Variants in MAPKAP1 observed in about 807,000 individuals in gnomAD.
The protein encoded by MAPKAP1 is target of rapamycin complex 2 subunit MAPKAP1.
In MAPKAP1, 20 loss-of-function variants were observed where a neutral mutation model predicts 65.7. The ratio of observed to expected loss-of-function variants is 0.30; its 90% confidence interval spans 0.21 to 0.44. The LOEUF (loss-of-function observed/expected upper bound fraction) is 0.44, where lower values mean the gene tolerates loss of function less well. Among genes scored for constraint, MAPKAP1 ranks in the 20% least tolerant of loss-of-function variants. The pLI is 1.00. For missense variants in MAPKAP1, 423 were observed against 648.0 expected, an observed-to-expected ratio of 0.65 and a Z score of 3.77; for synonymous variants, 222 against 244.3, an observed-to-expected ratio of 0.91 and a Z score of 0.85.
At chr9:125,479,416 C>T (rs1174785062) in intron 9 of MAPKAP1, among the ~76,000 whole-genome samples, 1 of 152,140 alleles carries the variant, frequency 6.6e-6, no homozygotes, top group African/African-American at 2.4e-5. Flanking sequence ...CCCGTCTCTA[C>T]TAAAAACACA....
chr9:125,547,803 AG>A (rs1235363651), intron 6 of MAPKAP1, among the ~76,000 whole-genome samples: 1 of 152,230 alleles, frequency 6.6e-6, no homozygotes, highest in African/African-American at 2.4e-5. Context: ...AAGAGCTCCA[AG>A]GGGAGCACTC....
At chr9:125,676,719 T>C (rs544237519) in intron 1 of MAPKAP1, among the ~76,000 whole-genome samples, 1 of 152,346 alleles carries the variant, frequency 6.6e-6, no homozygotes, top group African/African-American at 2.4e-5. Context: ...TATGAATGTA[T>C]GTAATGCCAA....
chr9:125,664,040 C>G (rs985648754), intron 3 of MAPKAP1, among the ~76,000 whole-genome samples: 1 of 152,106 alleles, frequency 6.6e-6, no homozygotes, highest in South Asian at 2.1e-4. Context: ...GGATACAAAA[C>G]AAATATATTA....
At chr9:125,460,404 TCCGAGGGAAAAATGAAGAA>T (rs749466004) in intron 10 of MAPKAP1, among the ~76,000 whole-genome samples, 2 of 152,142 alleles carry the variant, frequency 1.3e-5, no homozygotes, top group Non-Finnish European at 2.9e-5. Context: ...TATTAATACG[TCCGAGGGAAAAATGAAGAA>T]AATTTACAGA....
At chr9:125,568,028 T>G (rs1385262039) in intron 5 of MAPKAP1, 1 of 152,084 alleles carries the variant, frequency 6.6e-6, no homozygotes, top group Non-Finnish European at 1.5e-5. Flanking sequence ...AGAATGAGAT[T>G]GGTAAAGAAT....
intron 4 of MAPKAP1, among the ~76,000 whole-genome samples, chr9:125,651,749 G>A (rs557438010): frequency 2.0e-5 from 3 of 152,290 alleles, no homozygotes; most frequent in South Asian, 2.1e-4. Context: ...CTTACTGAAA[G>A]GAGCAGTGGT....
chr9:125,596,272 G>A (rs1185408548), intron 4 of MAPKAP1: 9 of 761,634 alleles, frequency 1.2e-5, no homozygotes, highest in African/African-American at 5.1e-5. Flanking sequence ...GGAAACTTTG[G>A]TGGTGGTCGT....
chr9:125,492,215 T>TA (rs1353403734), intron 8 of MAPKAP1, among the ~76,000 whole-genome samples: 3 of 152,032 alleles, frequency 2.0e-5, no homozygotes, highest in Non-Finnish European at 2.9e-5. Context: ...CGCCTCAAAA[T>TA]AACAAAACAA....
intron 4 of MAPKAP1, among the ~76,000 whole-genome samples, chr9:125,622,753 C>T (rs528851263): frequency 2.4e-4 from 36 of 152,030 alleles, no homozygotes; most frequent in Non-Finnish European, 4.6e-4. Context: ...CCAATATGTA[C>T]AATTATTACA....
At chr9:125,525,552 A>T (rs945199989) in intron 7 of MAPKAP1, among the ~76,000 whole-genome samples, 2 of 152,118 alleles carry the variant, frequency 1.3e-5, no homozygotes, top group African/African-American at 4.8e-5. Flanking sequence ...GCATGCCTGT[A>T]ATCCCAGCTA....
Position 125,473,881 on chromosome 9 carries a change from C to T in MAPKAP1, c.1208-5772G>A, listed in dbSNP as rs190268938. 1.4e-4 allele frequency among the ~76,000 whole-genome samples: 21 copies of T among 152,252 alleles called. No homozygotes were observed. In the East Asian group the frequency reaches 2.7e-3, roughly 20 times the overall value. On this transcript the variant is annotated intron_variant, in intron 9 of 11. Coordinates refer to ENST00000265960, the MANE Select transcript of MAPKAP1 (RefSeq NM_001006617.3). The stretch of plus-strand genomic sequence containing the variant: ...TGTCAGCCTTCCTACTTCCTAACTA[C>T]GTGACTTGGGAAAAACTTCTATAAA...
intron 8 of MAPKAP1, among the ~76,000 whole-genome samples, chr9:125,496,516 A>T (rs1241068497): frequency 6.6e-6 from 1 of 152,226 alleles, no homozygotes; most frequent in African/African-American, 2.4e-5. Flanking sequence ...GAGGTGCTTA[A>T]GTCACATGAT....
At chr9:125,693,312 G>C (rs1180963586) in intron 1 of MAPKAP1, among the ~76,000 whole-genome samples, 3 of 151,786 alleles carry the variant, frequency 2.0e-5, no homozygotes, top group Admixed American at 2.0e-4. Flanking sequence ...TACTCGGGCA[G>C]CTGAGGCAGG....
At chr9:125,636,492 A>C (rs935188912) in intron 4 of MAPKAP1, among the ~76,000 whole-genome samples, 7 of 152,256 alleles carry the variant, frequency 4.6e-5, no homozygotes, top group African/African-American at 1.7e-4. Flanking sequence ...TTGCCAGATA[A>C]CTGCATATTC....
At chr9:125,651,993 G>T in intron 4 of MAPKAP1, 1 of 617,886 alleles carries the variant, frequency 1.6e-6, no homozygotes, top group Non-Finnish European at 2.2e-6. Flanking sequence ...AGATCCAGAA[G>T]CAAACGTAGT....
intron 10 of MAPKAP1, among the ~76,000 whole-genome samples, chr9:125,461,420 T>C (rs1400921083): frequency 2.6e-5 from 4 of 152,188 alleles, no homozygotes; most frequent in African/African-American, 4.8e-5. Context: ...AATCACACTA[T>C]TGTCTGCTTG....
At chr9:125,458,359 T>A (rs1297339533) in intron 10 of MAPKAP1, among the ~76,000 whole-genome samples, 1 of 152,030 alleles carries the variant, frequency 6.6e-6, no homozygotes, top group East Asian at 1.9e-4. Flanking sequence ...CAGAGGACCC[T>A]GCGGCCCTCT....
At chr9:125,557,968 T>C (rs1052745415) in intron 6 of MAPKAP1, among the ~76,000 whole-genome samples, 3 of 152,232 alleles carry the variant, frequency 2.0e-5, no homozygotes, top group Non-Finnish European at 4.4e-5. Flanking sequence ...GCGATTCTCC[T>C]GCCTCAGACT....
intron 10 of MAPKAP1, among the ~76,000 whole-genome samples, chr9:125,458,674 C>G (rs1255197169): frequency 1.3e-5 from 2 of 150,576 alleles, no homozygotes; most frequent in Non-Finnish European, 1.5e-5. Flanking sequence ...CCCCTCCCCC[C>G]TTTCTATTCC....
Sources: gnomAD v4.1 joint callset for allele counts (sites outside exome capture counted in the v4.1 genomes callset) on GRCh38, gnomAD v4.1.1 for gene constraint, MANE v1.5 for transcripts, NCBI Gene and HGNC (gene_info 2026-07-23, HGNC 2026-07-21) for gene names.